Variants in AGXT2 observed in about 807,000 individuals in gnomAD.
AGXT2 encodes the protein alanine--glyoxylate aminotransferase 2, mitochondrial.
AGXT2 carries 61 observed loss-of-function variants against 62.5 expected under a neutral mutation model. The observed-to-expected ratio is 0.98, with a 90% CI of 0.79 to 1.21. AGXT2 has a LOEUF of 1.21. Ranked by LOEUF, AGXT2 falls within the 50% of genes most tolerant of loss-of-function variation. The probability of loss-of-function intolerance (pLI) is 0.00; values close to 1 mark genes in which losing one functional copy is unlikely to be tolerated. For synonymous variants in AGXT2, 243 were observed against 218.7 expected (o/e 1.11, Z -0.98); for missense variants, 666 against 641.5 (o/e 1.04, Z -0.41).
intron 11 of AGXT2, among the ~76,000 whole-genome samples, chr5:35,010,374 T>G (rs1766586056): frequency 6.6e-6 from 1 of 152,038 alleles, no homozygotes; most frequent in Non-Finnish European, 1.5e-5. Flanking sequence ...CCTTCAGAGG[T>G]GGCTAAGTAT....
chr5:35,040,065 G>GAGAGAGAGAGAGAGAGAGGGAGAAAGAA (rs1767927233), intron 2 of AGXT2, among the ~76,000 whole-genome samples: 1 of 147,352 alleles, frequency 6.8e-6, no homozygotes, highest in East Asian at 1.9e-4. Flanking sequence ...ATGCATAACA[G>GAGAGAGAGAGAGAGAGAGGGAGAAAGAA]AGAGAGAGAG....
intron 9 of AGXT2, among the ~76,000 whole-genome samples, chr5:35,023,707 G>A (rs1767210441): frequency 6.6e-6 from 1 of 152,126 alleles, no homozygotes; most frequent in African/African-American, 2.4e-5. Flanking sequence ...GCAGATTGGA[G>A]AAGGGAGGAT....
At chr5:35,040,493 G>A (rs1360676612) in intron 2 of AGXT2, 82 bp downstream of exon 2, 3 of 1,315,024 alleles carry the variant, frequency 2.3e-6, no homozygotes, top group Non-Finnish European at 3.3e-6. Flanking sequence ...GGCTATTTTT[G>A]TGTCATTCTT....
intron 9 of AGXT2, among the ~76,000 whole-genome samples, chr5:35,015,971 C>A (rs1229272614): frequency 1.3e-5 from 2 of 151,718 alleles, no homozygotes; most frequent in Non-Finnish European, 2.9e-5. Context: ...AGAGCTTAAC[C>A]TGGGAGTCAG....
At chr5:35,001,906 C>T (rs1318429386) in intron 13 of AGXT2, among the ~76,000 whole-genome samples, 2 of 152,104 alleles carry the variant, frequency 1.3e-5, no homozygotes, top group Admixed American at 6.5e-5. Flanking sequence ...TTCTCTCCCA[C>T]CAGCTCCACG....
At position 35,007,738 on chromosome 5, in the gene AGXT2, C is replaced by T. The variant is rs138245777; in HGVS notation, c.1338+2262G>A. On this transcript the variant is annotated intron_variant, in intron 12 of 13. Coordinates refer to ENST00000231420, the MANE Select transcript of AGXT2 (RefSeq NM_031900.4). ...CTATAGATACTATTTTATAACCTTG[C>T]TATAGTTTGGATATTTGGCCCTCCA... is the stretch of plus-strand genomic sequence containing the variant. 4.0e-3 allele frequency among the ~76,000 whole-genome samples: 608 copies of T among 152,240 alleles called. 3 individuals are homozygous for T. Among genetic ancestry groups the T allele is most frequent in the African/African-American group, 0.014 (588 of 41,552 alleles).
intron 9 of AGXT2, among the ~76,000 whole-genome samples, chr5:35,020,442 C>A (rs2112224216): frequency 6.6e-6 from 1 of 152,290 alleles, no homozygotes; most frequent in East Asian, 1.9e-4. Context: ...TAAATGTAAT[C>A]CAGCATATAA....
At chr5:35,034,368 T>C (rs4703495) in intron 5 of AGXT2, among the ~76,000 whole-genome samples, 122,220 of 152,140 alleles carry the variant, frequency 0.8, 52,228 homozygotes, top group Non-Finnish European at 0.95. Flanking sequence ...TTCTTTATTG[T>C]CATATTTCTT....
chr5:35,016,246 C>G (rs1766846811), intron 9 of AGXT2, among the ~76,000 whole-genome samples: 1 of 152,242 alleles, frequency 6.6e-6, no homozygotes, highest in South Asian at 2.1e-4. Context: ...GAAAAGGAAG[C>G]CTAGCATGAC....
At chr5:35,044,864 C>T (rs1211509087) in intron 1 of AGXT2, among the ~76,000 whole-genome samples, 1 of 152,184 alleles carries the variant, frequency 6.6e-6, no homozygotes, top group Non-Finnish European at 1.5e-5. Context: ...GCAAGGCTGC[C>T]TGGAGGGGTG....
intron 1 of AGXT2, among the ~76,000 whole-genome samples, chr5:35,043,819 T>C (rs982387227): frequency 1.3e-5 from 2 of 152,190 alleles, no homozygotes; most frequent in Non-Finnish European, 2.9e-5. Context: ...GCCTCCTTAG[T>C]AGCTGGGACC....
At chr5:35,038,963 C>T (rs1202042230) in intron 3 of AGXT2, among the ~76,000 whole-genome samples, 1 of 152,164 alleles carries the variant, frequency 6.6e-6, no homozygotes, top group African/African-American at 2.4e-5. Context: ...CATCATCCCT[C>T]GCCTGACAAG....
At position 35,003,835 on chromosome 5, in the gene AGXT2, T is replaced by A. The variant is rs766334477; in HGVS notation, c.1365A>T (p.Glu455Asp). 1.9e-6 allele frequency: 3 copies of A among 1,614,248 alleles called. No homozygotes were observed. In the Admixed American group the frequency reaches 5.0e-5, roughly 27 times the overall value. ...DKISCRPLPREEVNQIHEDCK... is the reference protein window; with the variant it reads ...DKISCRPLPRDEVNQIHEDCK... ...AGTCCTCATGGATCTGATTTACTTC[T>A]TCACGGGGAAGAGGCCGACAGCTTA... The change falls in exon 13 of 14, where the codon GAA becomes GAT. Residue 455 changes from glutamate (E) to aspartate (D), a missense_variant. By Grantham distance (45) the Glu-to-Asp change is conservative. Transcript: ENST00000231420.
At chr5:35,006,028 A>T (rs1310287050) in intron 12 of AGXT2, among the ~76,000 whole-genome samples, 1 of 152,184 alleles carries the variant, frequency 6.6e-6, no homozygotes, top group African/African-American at 2.4e-5. Context: ...ATGTTTTAAA[A>T]AATAAGTCAT....
chr5:35,044,961 T>C (rs939082574), intron 1 of AGXT2, among the ~76,000 whole-genome samples: 7 of 152,166 alleles, frequency 4.6e-5, no homozygotes, highest in African/African-American at 1.7e-4. Context: ...CAGCTGGAAA[T>C]AGATGACTTT....
intron 5 of AGXT2, 57 bp from the exon 6 acceptor site, chr5:35,033,610 C>A (rs1767657097): frequency 2.9e-6 from 4 of 1,367,980 alleles, no homozygotes; most frequent in Non-Finnish European, 4.2e-6. Flanking sequence ...CTGAGTAGGA[C>A]AAAAGAGAAA....
At position 35,047,945 on chromosome 5, in the gene AGXT2, TA is replaced by T; in HGVS notation, c.-54del. Reference sequence around the variant, plus strand: ...TGGAAGCAGATTGGAGGCCGGGCTCTAACTGCTCACTATCCTGCTGGACTTT... The same window carrying T: ...TGGAAGCAGATTGGAGGCCGGGCTCTACTGCTCACTATCCTGCTGGACTTT... On this transcript the variant is annotated 5_prime_UTR_variant, in exon 1 of 14. Coordinates refer to ENST00000231420, the MANE Select transcript of AGXT2 (RefSeq NM_031900.4). 6.2e-7 allele frequency: 1 copy of T among 1,611,304 alleles called. No homozygotes were observed. Among genetic ancestry groups the T allele is most frequent in the Non-Finnish European group, 8.5e-7 (1 of 1,178,696 alleles).
At chr5:35,002,814 G>A (rs1223693696) in intron 13 of AGXT2, among the ~76,000 whole-genome samples, 2 of 151,988 alleles carry the variant, frequency 1.3e-5, no homozygotes, top group Non-Finnish European at 2.9e-5. Flanking sequence ...GAATAAATGC[G>A]GGGACCGATG....
intron 5 of AGXT2, 73 bp downstream of exon 5, chr5:35,035,149 C>G: frequency 7.7e-7 from 1 of 1,290,634 alleles, no homozygotes; most frequent in Non-Finnish European, 1.1e-6. Context: ...CTCCATGCTA[C>G]AATGTAAAGC....
Sources: allele counts gnomAD v4.1 joint callset (sites outside exome capture counted in the v4.1 genomes callset), GRCh38; gene constraint gnomAD v4.1.1; transcripts MANE v1.5; gene names NCBI Gene and HGNC (gene_info 2026-07-23, HGNC 2026-07-21).